The following CDKAL1 variants were observed in gnomAD, a reference collection of about 807,000 sequenced individuals.
CDKAL1 encodes threonylcarbamoyladenosine tRNA methylthiotransferase.
A neutral mutation model predicts 68.2 loss-of-function variants in CDKAL1; 32 were observed. The ratio of observed to expected loss-of-function variants is 0.47; its 90% CI spans 0.35 to 0.63. CDKAL1 has a LOEUF of 0.63. Among genes scored for constraint, CDKAL1 ranks in the 30% least tolerant of loss-of-function variants. The pLI, the probability that CDKAL1 is intolerant of heterozygous loss-of-function variation, is 0.00. For synonymous variants in CDKAL1, 234 were observed against 244.3 expected (o/e 0.96, Z 0.39); for missense variants, 606 against 696.7 (o/e 0.87, Z 1.47).
chr6:21,020,625 G>A (rs1382602054), intron 11 of CDKAL1, among the ~76,000 whole-genome samples: 4 of 151,880 alleles, frequency 2.6e-5, no homozygotes, highest in Non-Finnish European at 4.4e-5. Flanking sequence ...GCACCACCAC[G>A]CCCAGCTGAT....
intron 9 of CDKAL1, among the ~76,000 whole-genome samples, chr6:20,887,265 A>G (rs1761112497): frequency 6.6e-6 from 1 of 152,194 alleles, no homozygotes; most frequent in Non-Finnish European, 1.5e-5. Flanking sequence ...AATGTCTGGC[A>G]GTTTCTTATT....
chr6:21,092,897 G>A (rs1191111936), intron 12 of CDKAL1, among the ~76,000 whole-genome samples: 2 of 150,322 alleles, frequency 1.3e-5, no homozygotes, highest in Non-Finnish European at 3.0e-5. Context: ...AGAATTGGAA[G>A]GTTAAAGTAG....
intron 4 of CDKAL1, among the ~76,000 whole-genome samples, chr6:20,572,062 T>A (rs141746442): frequency 4.5e-4 from 68 of 152,318 alleles, no homozygotes; most frequent in African/African-American, 1.5e-3. Flanking sequence ...ATTTGGCTTC[T>A]AGATCTAAAA....
chr6:20,987,235 A>G lies in CDKAL1; in HGVS notation c.910-12992A>G, dbSNP rs188486626. Among the ~76,000 whole-genome samples the G allele has an allele frequency of 1.4e-3, 207 of 145,130 alleles. 9 individuals carry two copies. The highest frequency in any genetic ancestry group is 0.011 in the Admixed American group (168 of 14,652). Reference sequence around the variant, plus strand: ...TCCACCATTTTTATTTATTAAACCTATGTTATCTTTGCAGTTTGTCTGGAA... The same window carrying G: ...TCCACCATTTTTATTTATTAAACCTGTGTTATCTTTGCAGTTTGTCTGGAA... On this transcript the variant is annotated intron_variant, in intron 10 of 15. Transcript: ENST00000274695.
At chr6:20,586,979 T>TTC (rs1491429695) in intron 4 of CDKAL1, among the ~76,000 whole-genome samples, 1 of 30,508 alleles carries the variant, frequency 3.3e-5, no homozygotes, top group Admixed American at 4.2e-4. Flanking sequence ...CCTCCAGGTG[T>TTC]TTTTTTTTTT....
intron 13 of CDKAL1, among the ~76,000 whole-genome samples, chr6:21,157,480 T>C (rs1392233655): frequency 6.6e-6 from 1 of 151,274 alleles, no homozygotes; most frequent in Non-Finnish European, 1.5e-5. Context: ...TTGTTCTTTC[T>C]TGATTACACA....
At chr6:20,950,760 G>T (rs12197923) in intron 9 of CDKAL1, among the ~76,000 whole-genome samples, 26,868 of 151,978 alleles carry the variant, frequency 0.18, 2,743 homozygotes, top group Admixed American at 0.26. Context: ...GAGGTCAGCA[G>T]TTGGAGACTA....
intron 8 of CDKAL1, among the ~76,000 whole-genome samples, chr6:20,808,851 G>C (rs980893199): frequency 6.6e-6 from 1 of 152,034 alleles, no homozygotes; most frequent in South Asian, 2.1e-4. Context: ...ATTTTTCACT[G>C]GGCTCCTGAA....
At chr6:21,016,087 C>A (rs1322570150) in intron 11 of CDKAL1, among the ~76,000 whole-genome samples, 1 of 151,430 alleles carries the variant, frequency 6.6e-6, no homozygotes, top group East Asian at 1.9e-4. Context: ...TCAAATAATT[C>A]TATAATTACT....
chr6:20,827,626 A>C (rs1172376916), intron 8 of CDKAL1, among the ~76,000 whole-genome samples: 1 of 152,144 alleles, frequency 6.6e-6, no homozygotes, highest in Non-Finnish European at 1.5e-5. Flanking sequence ...AGGTCTATGG[A>C]GTTGCATGGA....
chr6:20,931,595 A>G (rs764950512), intron 9 of CDKAL1, among the ~76,000 whole-genome samples: 54 of 152,344 alleles, frequency 3.5e-4, no homozygotes, highest in African/African-American at 6.7e-4. Context: ...TCTTTAGAAC[A>G]CATTCTAAAG....
chr6:20,643,988 C>T (rs1458619108), intron 4 of CDKAL1, among the ~76,000 whole-genome samples: 1 of 151,932 alleles, frequency 6.6e-6, no homozygotes, highest in African/African-American at 2.4e-5. Flanking sequence ...CCATGCCTGG[C>T]TAATTTTTGT....
At chr6:21,044,867 C>G (rs939455712) in intron 11 of CDKAL1, among the ~76,000 whole-genome samples, 1 of 152,152 alleles carries the variant, frequency 6.6e-6, no homozygotes, top group Admixed American at 6.5e-5. Flanking sequence ...AAATTTATTT[C>G]TCACAGTTCT....
At position 21,203,605 on chromosome 6, in the gene CDKAL1, A is replaced by T. The variant is rs552104972; in HGVS notation, c.1548+2331A>T. Among the ~76,000 whole-genome samples the T allele has an allele frequency of 2.0e-4, 30 of 150,972 alleles. 1 individual carries two copies. The highest frequency in any genetic ancestry group is 7.1e-4 in the African/African-American group (29 of 41,090). On this transcript the variant is annotated intron_variant, in intron 15 of 15. Transcript: ENST00000274695. The stretch of plus-strand genomic sequence containing the variant: ...GTTGCCCAAGTTCGTCTTGAACTCC[A>T]GGCCTCAAACGGTCCTCCCACCTTG...
chr6:21,128,984 T>C (rs1021345651), intron 13 of CDKAL1, among the ~76,000 whole-genome samples: 3 of 152,206 alleles, frequency 2.0e-5, no homozygotes, highest in Non-Finnish European at 2.9e-5. Context: ...TCACTCACTG[T>C]GCAACACTGG....
At chr6:20,704,985 T>C (rs1356570793) in intron 5 of CDKAL1, among the ~76,000 whole-genome samples, 1 of 152,174 alleles carries the variant, frequency 6.6e-6, no homozygotes, top group Non-Finnish European at 1.5e-5. Context: ...AAAATGTGAG[T>C]AGCCTGCAAT....
intron 7 of CDKAL1, among the ~76,000 whole-genome samples, chr6:20,766,027 A>G (rs1774688610): frequency 1.3e-5 from 2 of 152,176 alleles, no homozygotes; most frequent in Admixed American, 1.3e-4. Flanking sequence ...ATTTTTAGCC[A>G]TTAAGGCTTT....
intron 11 of CDKAL1, among the ~76,000 whole-genome samples, chr6:21,015,624 T>G (rs1426210375): frequency 6.6e-6 from 1 of 152,150 alleles, no homozygotes; most frequent in Non-Finnish European, 1.5e-5. Context: ...TTAAATAATT[T>G]GTACTTTCAA....
At chr6:20,986,773 G>A (rs575380692) in intron 10 of CDKAL1, among the ~76,000 whole-genome samples, 1 of 152,190 alleles carries the variant, frequency 6.6e-6, no homozygotes, top group South Asian at 2.1e-4. Flanking sequence ...GAACTGATAT[G>A]GCAGGTCACT....
Sources: gnomAD v4.1 joint callset for allele counts (sites outside exome capture counted in the v4.1 genomes callset) on GRCh38, gnomAD v4.1.1 for gene constraint, MANE v1.5 for transcripts, NCBI Gene and HGNC (gene_info 2026-07-23, HGNC 2026-07-21) for gene names.